The following GPATCH2L variants were observed in gnomAD, a reference collection of about 807,000 sequenced individuals.
The protein encoded by GPATCH2L is G patch domain-containing protein 2-like.
Under a neutral mutation model 57.4 loss-of-function variants are expected in GPATCH2L, and 31 were observed. That is an observed-to-expected ratio of 0.54 (90% confidence interval 0.41 to 0.73). The LOEUF (loss-of-function observed/expected upper bound fraction) is 0.73. Ranked by LOEUF, GPATCH2L falls within the 30% of genes least tolerant of loss-of-function variation. GPATCH2L has a pLI of 0.00. For missense variants in GPATCH2L, 481 were observed against 599.9 expected (o/e 0.80, Z 2.07); for synonymous variants, 199 against 210.7 (o/e 0.94, Z 0.48).
rs59406744 is a variant in GPATCH2L, at chr14:76,194,484, A to AGTGTGTGTGTGTGTGTGTGTGTGTGTGT, written c.1194-1373_1194-1372insTGTGTGTGTGTGTGTGTGTGTGTGTGTG. Among the ~76,000 whole-genome samples, 28 of 151,060 alleles carry AGTGTGTGTGTGTGTGTGTGTGTGTGTGT rather than the reference A, an allele frequency of 1.9e-4. 1 individual carries two copies. The highest frequency in any genetic ancestry group is 6.8e-4 in the African/African-American group (28 of 40,994). On this transcript the variant is annotated intron_variant, in intron 8 of 9. Transcript: ENST00000261530. ...AGCTTTTGCTATTTAGAGACATGAAAGTGTGTGTGTGTGTGTGTGTGCACG... is the reference window on the plus strand; with the variant it reads ...AGCTTTTGCTATTTAGAGACATGAAAGTGTGTGTGTGTGTGTGTGTGTGTGTGTGTGTGTGTGTGTGTGTGTGTGCACG...
rs956268194 is a variant in GPATCH2L at position 76,154,011 on chromosome 14, G to C, written c.-10-343G>C. ...GGATCTCATCATTAGGTAATTCAAT[G>C]ACAAGTTTAATTGGGGAAAAGAGAG... On this transcript the variant is annotated intron_variant, in intron 1 of 9. Transcript: ENST00000261530. The surrounding 1 kb of genome is among the most constrained non-coding windows in gnomAD (Gnocchi z 4.4). 5.4e-6 allele frequency: 1 copy of C among 186,228 alleles called. No individual in the cohort carries two copies. The highest frequency in any genetic ancestry group is 2.4e-5 in the African/African-American group (1 of 42,374). 11.5% of individuals were successfully genotyped at this position (186,228 alleles called of 1,614,324 possible).
Position 76,154,767 on chromosome 14 carries a change from T to G in GPATCH2L, c.404T>G (p.Val135Gly). ...AGGCGCAGGCGGAAGGTGAAGCGAG[T>G]GACATCAGAGGTGGCTGCTAGCCTT... Reference protein sequence around the residue: ...PLRRRRKVKRVTSEVAASLQQ... With the variant: ...PLRRRRKVKRGTSEVAASLQQ... Residue 135 changes from valine (V) to glycine (G), a missense_variant, in exon 2 of 10, where the codon GTG (valine) becomes GGG (glycine). This residue lies in a region of GPATCH2L where 208 missense variants were observed against 272.4 expected (regional missense o/e 0.76). Coordinates refer to ENST00000261530, the MANE Select transcript of GPATCH2L (RefSeq NM_017926.4). The surrounding 1 kb of genome is among the most constrained non-coding windows in gnomAD (Gnocchi z 4.4). 1 of 1,614,016 alleles carries G rather than the reference T, an allele frequency of 6.2e-7. No individual in the cohort carries two copies. Among genetic ancestry groups the G allele is most frequent in the Non-Finnish European group, 8.5e-7 (1 of 1,180,010 alleles).
chr14:76,177,084 C>T (rs117029347), intron 6 of GPATCH2L, among the ~76,000 whole-genome samples: 2,659 of 152,106 alleles, frequency 0.017, 67 homozygotes, highest in South Asian at 0.14. Flanking sequence ...CTGGCTCTGA[C>T]GCCCAGGCTG....
At chr14:76,162,506 C>T (rs992920617) in intron 2 of GPATCH2L, among the ~76,000 whole-genome samples, 17 of 152,118 alleles carry the variant, frequency 1.1e-4, no homozygotes, top group African/African-American at 3.6e-4. Context: ...AGTACTACAC[C>T]GGGGTGTGCA....
chr14:76,171,729 GAAA>G (rs60245346), intron 3 of GPATCH2L, 111 bp from the exon 4 acceptor site: 323 of 563,484 alleles, frequency 5.7e-4, no homozygotes, highest in South Asian at 1.3e-3. Context: ...TCTCAAAAAG[GAAA>G]AAAAAAAAAA....
intron 3 of GPATCH2L, among the ~76,000 whole-genome samples, chr14:76,167,833 T>C (rs2038914293): frequency 6.6e-6 from 1 of 152,236 alleles, no homozygotes; most frequent in Admixed American, 6.5e-5. Context: ...GAATGAGTTA[T>C]ATATACTATT....
In GPATCH2L at chr14:76,154,746, G is replaced by A. The variant is rs756847823; in HGVS notation, c.383G>A (p.Arg128His). ...AATGCACCTTGTCGACCACTCAGGC[G>A]CAGGCGGAAGGTGAAGCGAGTGACA... Reference protein sequence around the residue: ...TENAPCRPLRRRRKVKRVTSE... With the variant: ...TENAPCRPLRHRRKVKRVTSE... Residue 128 changes from arginine (R) to histidine (H), a missense_variant, in exon 2 of 10, where the codon CGC becomes CAC. Around this residue, in one of 3 missense-constraint regions of GPATCH2L, gnomAD observed 208 missense variants for 272.4 expected, o/e 0.76. Coordinates refer to ENST00000261530, the MANE Select transcript of GPATCH2L (RefSeq NM_017926.4). This position sits in a 1 kb window ranked among gnomAD's most constrained non-coding sequence, Gnocchi z 4.4. The A allele has an allele frequency of 6.2e-6, 10 of 1,614,106 alleles. No homozygotes were observed. The highest frequency in any genetic ancestry group is 5.5e-5 in the South Asian group (5 of 91,086).
At chr14:76,196,316 T>C (rs2040148451) in intron 9 of GPATCH2L, 1 of 593,860 alleles carries the variant, frequency 1.7e-6, no homozygotes, top group Non-Finnish European at 3.0e-6. Context: ...CACAGGGTTA[T>C]TTACTTTCTT....
chr14:76,195,404 C>T (rs1340341982), intron 8 of GPATCH2L, among the ~76,000 whole-genome samples: 1 of 152,066 alleles, frequency 6.6e-6, no homozygotes, highest in African/African-American at 2.4e-5. Flanking sequence ...AGAAACTAAA[C>T]TTACTTAACT....
intron 8 of GPATCH2L, among the ~76,000 whole-genome samples, chr14:76,181,302 A>C (rs4442739): frequency 0.77 from 116,976 of 152,028 alleles, 45,970 homozygotes; most frequent in South Asian, 0.88. Context: ...TGCCGCTGAA[A>C]CTTTGCACTT....
At chr14:76,159,989 C>T (rs11622326) in intron 2 of GPATCH2L, among the ~76,000 whole-genome samples, 59,269 of 151,816 alleles carry the variant, frequency 0.39, 14,051 homozygotes, top group South Asian at 0.56. Context: ...AAAAATTAGC[C>T]TTGGCGTGGT....
At chr14:76,182,005 G>A (rs184175057) in intron 8 of GPATCH2L, among the ~76,000 whole-genome samples, 108 of 152,316 alleles carry the variant, frequency 7.1e-4, no homozygotes, top group African/African-American at 2.5e-3. Flanking sequence ...TACTGAAGAA[G>A]TGGTATTTCT....
chr14:76,178,175 A>T (rs1485278582), intron 7 of GPATCH2L, 133 bp downstream of exon 7: 8 of 1,341,176 alleles, frequency 6.0e-6, no homozygotes, highest in Non-Finnish European at 8.3e-6. Context: ...TTCTTGTAGC[A>T]TATATTTCAT....
intron 9 of GPATCH2L, 89 bp from the exon 10 acceptor site, chr14:76,201,602 T>G: frequency 9.6e-7 from 1 of 1,039,154 alleles, no homozygotes; most frequent in Non-Finnish European, 1.3e-6. Context: ...TTAAGAAAAT[T>G]TTTTTTCTAA....
chr14:76,189,916 AG>A (rs1185758526), intron 8 of GPATCH2L, among the ~76,000 whole-genome samples: 1 of 152,128 alleles, frequency 6.6e-6, no homozygotes, highest in Non-Finnish European at 1.5e-5. Flanking sequence ...CTATATAAAA[AG>A]ATGAACTTTT....
intron 1 of GPATCH2L, among the ~76,000 whole-genome samples, chr14:76,225,820 C>CA (rs1228089227): frequency 6.6e-6 from 1 of 152,102 alleles, no homozygotes; most frequent in African/African-American, 2.4e-5. Flanking sequence ...GAAAACATCA[C>CA]AAAAGAGAAT....
intron 6 of GPATCH2L, 64 bp downstream of exon 6, chr14:76,176,754 T>G: frequency 9.8e-7 from 1 of 1,016,442 alleles, no homozygotes; most frequent in Admixed American, 1.7e-5. Flanking sequence ...CAGAGGGGAG[T>G]TTTATGGAGC....
intron 2 of GPATCH2L, among the ~76,000 whole-genome samples, chr14:76,231,350 C>T (rs566594510): frequency 6.6e-5 from 10 of 152,164 alleles, no homozygotes; most frequent in Admixed American, 6.5e-5. Flanking sequence ...TGTCGCCCTG[C>T]TCAGGGCTTC....
At chr14:76,155,124 A>G (rs1438276887) in intron 2 of GPATCH2L, 99 bp downstream of exon 2, 7 of 921,916 alleles carry the variant, frequency 7.6e-6, no homozygotes, top group Non-Finnish European at 1.1e-5. Context: ...CAAACCAGCC[A>G]CTCTAGTATT....
Sources: allele counts gnomAD v4.1 joint callset (sites outside exome capture counted in the v4.1 genomes callset), GRCh38; gene constraint gnomAD v4.1.1; regional missense constraint gnomAD v4.1.1; non-coding constraint Gnocchi (gnomAD v3.1); transcripts MANE v1.5; gene names NCBI Gene and HGNC (gene_info 2026-07-23, HGNC 2026-07-21).